SNX29: variants seen among roughly 807,000 people sequenced by gnomAD.
SNX29 encodes the protein sorting nexin-29.
SNX29 carries 78 observed loss-of-function variants against 102.1 expected under a neutral mutation model. The ratio of observed to expected loss-of-function variants is 0.76; its 90% confidence interval spans 0.64 to 0.92. The LOEUF (loss-of-function observed/expected upper bound fraction) is 0.92, where lower values mean the gene tolerates loss of function less well. Ranked by LOEUF, SNX29 falls within the 40% of genes least tolerant of loss-of-function variation. The pLI is 0.00. For synonymous variants in SNX29, 580 were observed against 414.5 expected (o/e 1.40, Z -4.85); for missense variants, 1,280 against 1,061.7 (o/e 1.21, Z -2.86).
intron 11 of SNX29, among the ~76,000 whole-genome samples, chr16:12,118,763 A>C (rs1384111279): frequency 6.6e-6 from 1 of 152,086 alleles, no homozygotes; most frequent in Non-Finnish European, 1.5e-5. Context: ...GCCTTCTGTG[A>C]GTGGGACAGG....
intron 3 of SNX29, among the ~76,000 whole-genome samples, chr16:12,013,028 G>T (rs560828284): frequency 6.6e-6 from 1 of 151,904 alleles, no homozygotes; most frequent in South Asian, 2.1e-4. Flanking sequence ...AGTGGAGGTG[G>T]GTGGGGTGAG....
At chr16:12,537,930 A>C (rs2077148912) in intron 20 of SNX29, among the ~76,000 whole-genome samples, 2 of 150,762 alleles carry the variant, frequency 1.3e-5, no homozygotes, top group African/African-American at 4.9e-5. Context: ...GGTTGCAGTG[A>C]GCTGAGATCG....
intron 14 of SNX29, among the ~76,000 whole-genome samples, chr16:12,246,891 G>T (rs2078274687): frequency 6.6e-6 from 1 of 152,248 alleles, no homozygotes; most frequent in Admixed American, 6.5e-5. Flanking sequence ...GGAGAGGAAG[G>T]TGTCCCCTCC....
At chr16:12,474,163 C>A (rs1208078096) in intron 18 of SNX29, among the ~76,000 whole-genome samples, 1 of 152,058 alleles carries the variant, frequency 6.6e-6, no homozygotes, top group Non-Finnish European at 1.5e-5. Context: ...CTGCCCTGGG[C>A]AAGTGATCTG....
chr16:12,175,082 T>C (rs917620714), intron 13 of SNX29, among the ~76,000 whole-genome samples: 6 of 152,208 alleles, frequency 3.9e-5, no homozygotes, highest in African/African-American at 1.4e-4. Flanking sequence ...GGAATAATTA[T>C]TTGGGGATTA....
chr16:12,177,716 C>A (rs1351613573), intron 13 of SNX29, among the ~76,000 whole-genome samples: 2 of 152,060 alleles, frequency 1.3e-5, no homozygotes, highest in African/African-American at 4.8e-5. Flanking sequence ...TATTTTTTTC[C>A]AGTCTTTTAA....
At position 12,572,074 on chromosome 16, in the gene SNX29, A is replaced by G. The variant is rs979085248; in HGVS notation, c.*3445A>G. On this transcript the variant is annotated 3_prime_UTR_variant, in exon 21 of 21. Coordinates refer to ENST00000566228, the MANE Select transcript of SNX29 (RefSeq NM_032167.5). ...ACAAGGGAACCATCTTGCAAGATCT[A>G]GGAAGAGGAAGGGGAGGGATGTGGA... 1.5e-5 allele frequency: 16 copies of G among 1,063,388 alleles called. No individual in the cohort carries two copies. Among genetic ancestry groups the G allele is most frequent in the Non-Finnish European group, 1.8e-5 (16 of 878,002 alleles). 65.9% of individuals were successfully genotyped at this position (1,063,388 alleles called of 1,614,324 possible). A position where few individuals can be genotyped will look rare whatever the true frequency, so the allele number is the denominator to read the frequency against.
At chr16:12,445,724 G>A (rs1280880400) in intron 18 of SNX29, among the ~76,000 whole-genome samples, 2 of 152,146 alleles carry the variant, frequency 1.3e-5, no homozygotes, top group East Asian at 1.9e-4. Context: ...TCACAAGTAG[G>A]TGTCACCAGT....
rs1035408423 is a variant in SNX29 at position 12,016,009 on chromosome 16, C to T, written c.123-11311C>T. On this transcript the variant is annotated intron_variant, in intron 3 of 20. Coordinates refer to ENST00000566228, the MANE Select transcript of SNX29 (RefSeq NM_032167.5). ...CCTCCTGAGTAGCTGGGATTACAGGCGCCCGCCACCACGCCCGGCTAATTT... is the reference window on the plus strand; with the variant it reads ...CCTCCTGAGTAGCTGGGATTACAGGTGCCCGCCACCACGCCCGGCTAATTT... Among the ~76,000 whole-genome samples the T allele has an allele frequency of 5.9e-5, 9 of 151,942 alleles. 1 individual carries two copies. The highest frequency in any genetic ancestry group is 4.1e-4 in the South Asian group (2 of 4,820).
intron 11 of SNX29, among the ~76,000 whole-genome samples, chr16:12,119,693 C>T (rs764560920): frequency 2.6e-5 from 4 of 152,190 alleles, no homozygotes; most frequent in Non-Finnish European, 2.9e-5. Context: ...TCCCAGGAGC[C>T]GGGCTGGGCC....
At chr16:12,007,929 T>G (rs896471793) in intron 3 of SNX29, among the ~76,000 whole-genome samples, 6 of 152,188 alleles carry the variant, frequency 3.9e-5, no homozygotes, top group Non-Finnish European at 7.3e-5. Context: ...CTTTTGTTTT[T>G]AAAGCTTTTC....
chr16:12,164,679 C>CTT (rs1375337947), intron 13 of SNX29, among the ~76,000 whole-genome samples: 1 of 120,538 alleles, frequency 8.3e-6, no homozygotes, highest in African/African-American at 4.0e-5. Context: ...TTTATTCATG[C>CTT]CTTTTTTTTT....
In SNX29 at chr16:12,573,668, G is replaced by C. The variant is rs567613025; in HGVS notation, c.*5039G>C. ...CACCACTCATTCACTGTCAGTGTAG[G>C]TAAGACAGAGGATGCCCTTGCAAAA... On this transcript the variant is annotated 3_prime_UTR_variant, in exon 21 of 21. Coordinates refer to ENST00000566228, the MANE Select transcript of SNX29 (RefSeq NM_032167.5). 4.5e-6 allele frequency: 1 copy of C among 222,626 alleles called. No homozygotes were observed. Among genetic ancestry groups the C allele is most frequent in the Non-Finnish European group, 9.0e-6 (1 of 111,340 alleles). 13.8% of individuals were successfully genotyped at this position (222,626 alleles called of 1,614,324 possible). A position where few individuals can be genotyped will look rare whatever the true frequency, so the allele number is the denominator to read the frequency against.
At chr16:12,528,383 A>G (rs556682039) in intron 20 of SNX29, among the ~76,000 whole-genome samples, 8 of 152,170 alleles carry the variant, frequency 5.3e-5, no homozygotes, top group Middle Eastern at 6.8e-3. Flanking sequence ...TTTTTATAGT[A>G]GAGATGGGGT....
Position 12,013,541 on chromosome 16 carries a change from A to ATC in SNX29, c.122+10499_122+10500dup, listed in dbSNP as rs2056748793. 7.5e-5 allele frequency among the ~76,000 whole-genome samples: 9 copies of ATC among 119,220 alleles called. 1 individual carries two copies. Among genetic ancestry groups the ATC allele is most frequent in the African/African-American group, 2.8e-4 (9 of 32,378 alleles). 78.2% of individuals were successfully genotyped at this position (119,220 alleles called of 152,430 possible). On this transcript the variant is annotated intron_variant, in intron 3 of 20. Transcript: ENST00000566228. ...TATATATATATATATATATATATAT[A>ATC]TCGAGAGAGGAGAAAAGGGTGGTCT... is the stretch of plus-strand genomic sequence containing the variant.
intron 6 of SNX29, 103 bp from the exon 7 acceptor site, chr16:12,048,269 C>T (rs1429746646): frequency 1.8e-5 from 27 of 1,534,618 alleles, no homozygotes; most frequent in South Asian, 2.3e-5. Context: ...TTAAGATCAA[C>T]GTGCCTCCTC....
At chr16:12,201,993 C>G (rs1420674451) in intron 14 of SNX29, among the ~76,000 whole-genome samples, 2 of 152,128 alleles carry the variant, frequency 1.3e-5, no homozygotes, top group Non-Finnish European at 2.9e-5. Flanking sequence ...GTCCATTTCC[C>G]CAGACCGATC....
At chr16:12,471,226 A>G (rs886414402) in intron 18 of SNX29, among the ~76,000 whole-genome samples, 1 of 152,032 alleles carries the variant, frequency 6.6e-6, no homozygotes, top group Non-Finnish European at 1.5e-5. Flanking sequence ...CCCTCCCCAC[A>G]TCTTCTTTTC....
At chr16:12,393,293 T>C (rs1195399985) in intron 16 of SNX29, among the ~76,000 whole-genome samples, 3 of 150,438 alleles carry the variant, frequency 2.0e-5, no homozygotes, top group African/African-American at 7.4e-5. Context: ...AACTAACTTA[T>C]CCTTCCCATG....
Sources: gnomAD v4.1 joint callset for allele counts (sites outside exome capture counted in the v4.1 genomes callset) on GRCh38, gnomAD v4.1.1 for gene constraint, MANE v1.5 for transcripts, NCBI Gene and HGNC (gene_info 2026-07-23, HGNC 2026-07-21) for gene names.